The following CA8 variants were observed in gnomAD, a reference collection of about 807,000 sequenced individuals.
The protein encoded by CA8 is carbonic anhydrase 8 (inactive), also known as carbonic anhydrase-related protein.
In CA8, 22 loss-of-function variants were observed where a neutral mutation model predicts 41.4. That is an observed-to-expected ratio of 0.53 (90% confidence interval 0.38 to 0.76). The LOEUF (loss-of-function observed/expected upper bound fraction) is 0.76. Ranked by LOEUF, CA8 falls within the 30% of genes least tolerant of loss-of-function variation. The pLI is 0.00. For missense variants in CA8, 270 were observed against 352.8 expected, an observed-to-expected ratio of 0.77 and a Z score of 1.88; for synonymous variants, 121 against 130.6, an observed-to-expected ratio of 0.93 and a Z score of 0.50.
At chr8:60,237,938 A>G (rs1417154984) in intron 3 of CA8, among the ~76,000 whole-genome samples, 1 of 152,190 alleles carries the variant, frequency 6.6e-6, no homozygotes, top group Non-Finnish European at 1.5e-5. Context: ...CAGCATGATG[A>G]CCATTATGTC....
chr8:60,236,677 C>T (rs993227990), intron 3 of CA8, among the ~76,000 whole-genome samples: 9 of 152,188 alleles, frequency 5.9e-5, no homozygotes, highest in South Asian at 2.1e-4. Context: ...AGAAATAACA[C>T]ATTAAAACTT....
chr8:60,223,297 T>C (rs181997896), intron 6 of CA8, among the ~76,000 whole-genome samples: 2 of 152,202 alleles, frequency 1.3e-5, no homozygotes, highest in Admixed American at 1.3e-4. Context: ...CCTGTATTTT[T>C]TTTTTCTTAA....
intron 7 of CA8, among the ~76,000 whole-genome samples, chr8:60,216,577 A>G (rs1449518296): frequency 1.3e-5 from 2 of 152,186 alleles, no homozygotes; most frequent in Non-Finnish European, 2.9e-5. Flanking sequence ...GCATGACTTT[A>G]GTAGGTTAGG....
chr8:60,246,718 G>A (rs1808251476), intron 3 of CA8, among the ~76,000 whole-genome samples: 1 of 152,142 alleles, frequency 6.6e-6, no homozygotes, highest in East Asian at 1.9e-4. Context: ...ATGTAACTCA[G>A]AAGAAAATTT....
chr8:60,196,092 G>A (rs778348215), intron 8 of CA8, among the ~76,000 whole-genome samples: 21 of 152,108 alleles, frequency 1.4e-4, no homozygotes, highest in Non-Finnish European at 2.9e-4. Context: ...ATCGTTGGGT[G>A]TTATCAGTGT....
Position 60,206,339 on chromosome 8 carries a change from C to CTG in CA8, c.*35+2409_*35+2410dup, listed in dbSNP as rs140184676. Reference sequence around the variant, plus strand: ...ACAAAATCTCATAAACAACATTTCTCTGTGTGTGTGTGTGCGCGTGTGTGT... The same window carrying CTG: ...ACAAAATCTCATAAACAACATTTCTCTGTGTGTGTGTGTGTGCGCGTGTGTGT... On this transcript the variant is annotated intron_variant, in intron 8 of 8. Coordinates refer to ENST00000317995, the MANE Select transcript of CA8 (RefSeq NM_004056.6). Among the ~76,000 whole-genome samples the CTG allele has an allele frequency of 3.1e-3, 472 of 151,604 alleles. 3 individuals are homozygous for CTG. The highest frequency in any genetic ancestry group is 2.0e-3 in the Non-Finnish European group (133 of 67,836).
At chr8:60,255,127 C>A (rs191426054) in intron 3 of CA8, among the ~76,000 whole-genome samples, 201 of 152,252 alleles carry the variant, frequency 1.3e-3, no homozygotes, top group South Asian at 4.1e-3. Context: ...CTGAACAAAG[C>A]TGGCTTTCCT....
chr8:60,191,700 G>A (rs892266811), intron 8 of CA8, among the ~76,000 whole-genome samples: 2 of 152,076 alleles, frequency 1.3e-5, no homozygotes, highest in Non-Finnish European at 2.9e-5. Context: ...TGGTCTAGAA[G>A]CATGTATCCT....
intron 3 of CA8, among the ~76,000 whole-genome samples, chr8:60,262,437 GAACA>G (rs1367073497): frequency 6.6e-6 from 1 of 151,694 alleles, no homozygotes; most frequent in East Asian, 1.9e-4. Context: ...ACAGCCACCA[GAACA>G]AACACACAAG....
intron 3 of CA8, 111 bp downstream of exon 3, chr8:60,265,814 T>C (rs2130596640): frequency 8.2e-7 from 1 of 1,213,752 alleles, no homozygotes; most frequent in Non-Finnish European, 1.2e-6. Flanking sequence ...TAGTATAAAC[T>C]GATAAAATTC....
At chr8:60,245,246 A>G (rs1359358646) in intron 3 of CA8, among the ~76,000 whole-genome samples, 1 of 152,040 alleles carries the variant, frequency 6.6e-6, no homozygotes, top group African/African-American at 2.4e-5. Context: ...ACAAATATAT[A>G]CATAAAGGCA....
chr8:60,230,924 AAAG>A (rs1178406575), intron 4 of CA8, among the ~76,000 whole-genome samples: 13 of 152,326 alleles, frequency 8.5e-5, no homozygotes, highest in Non-Finnish European at 7.3e-5. Context: ...TACCAATTCC[AAAG>A]ATGAAACTGA....
intron 4 of CA8, among the ~76,000 whole-genome samples, chr8:60,231,513 C>A (rs992178896): frequency 6.6e-6 from 1 of 152,156 alleles, no homozygotes; most frequent in African/African-American, 2.4e-5. Flanking sequence ...GAACACTGTG[C>A]TAACATGCTC....
intron 3 of CA8, 39 bp downstream of exon 3, chr8:60,265,886 A>G: frequency 6.2e-7 from 1 of 1,607,090 alleles, no homozygotes; most frequent in Middle Eastern, 1.7e-4. Flanking sequence ...TACTTTATTC[A>G]GAAAACAAGA....
intron 7 of CA8, among the ~76,000 whole-genome samples, chr8:60,219,542 G>C (rs1259033595): frequency 6.6e-6 from 1 of 152,126 alleles, no homozygotes; most frequent in Non-Finnish European, 1.5e-5. Context: ...GTTTCCAACT[G>C]TCTGAGAGAA....
intron 2 of CA8, among the ~76,000 whole-genome samples, chr8:60,272,940 T>C (rs969282808): frequency 1.3e-5 from 2 of 152,238 alleles, no homozygotes; most frequent in Non-Finnish European, 2.9e-5. Flanking sequence ...AAAGTAGGCC[T>C]GCTCTCTGCA....
rs1236723317 is a variant in CA8 at position 60,279,826 on chromosome 8, A to T, written c.155T>A (p.Ile52Asn). The change falls in exon 2 of 9, where the codon ATT becomes AAT. Residue 52 changes from isoleucine (I) to asparagine (N), a missense_variant. Physicochemically the swap from Ile to Asn is moderately radical, Grantham distance 149 (BLOSUM62 -3). Transcript: ENST00000317995. ...PDANGEYQSP[I>N]NLNSREARYD... ...CCTAGCCTCTCTTGAGTTTAGGTTAATAGGAGACTGGTATTCCCCATTAGC... is the reference window on the plus strand; with the variant it reads ...CCTAGCCTCTCTTGAGTTTAGGTTATTAGGAGACTGGTATTCCCCATTAGC... 6.2e-7 allele frequency: 1 copy of T among 1,613,940 alleles called. No individual in the cohort carries two copies.
Position 60,232,283 on chromosome 8 carries a change from C to T in CA8, c.513+1G>A. The T allele has an allele frequency of 6.2e-7, 1 of 1,608,172 alleles. No individual in the cohort carries two copies. Among genetic ancestry groups the T allele is most frequent in the Non-Finnish European group, 8.5e-7 (1 of 1,174,600 alleles). ...TACGATAATCACAGCAGACCGTTTA[C>T]CTGAACAAACAGAGCAATGATGGCG... On this transcript the variant is annotated splice_donor_variant, in intron 4 of 8. Transcript: ENST00000317995. LOFTEE classifies it high-confidence loss of function.
intron 3 of CA8, among the ~76,000 whole-genome samples, chr8:60,236,948 C>T (rs551405654): frequency 3.5e-4 from 53 of 152,216 alleles, no homozygotes; most frequent in Middle Eastern, 6.8e-3. Flanking sequence ...TATGAACTGG[C>T]TTATTAAGGT....
Sources: gnomAD v4.1 joint callset for allele counts (sites outside exome capture counted in the v4.1 genomes callset) on GRCh38, gnomAD v4.1.1 for gene constraint, MANE v1.5 for transcripts, NCBI Gene and HGNC (gene_info 2026-07-23, HGNC 2026-07-21) for gene names.